The following NIN variants were observed in gnomAD, a reference collection of about 807,000 sequenced individuals.
NIN encodes ninein.
NIN carries 137 observed loss-of-function variants against 257.6 expected under a neutral mutation model. The ratio of observed to expected loss-of-function variants is 0.53; its 90% confidence interval spans 0.46 to 0.61. NIN has a LOEUF of 0.61. Among genes scored for constraint, NIN ranks in the 20% least tolerant of loss-of-function variants. The probability of loss-of-function intolerance (pLI) is 0.00; values close to 1 mark genes in which losing one functional copy is unlikely to be tolerated. For missense variants in NIN, 2,439 were observed against 2,501.2 expected (o/e 0.98, Z 0.53); for synonymous variants, 918 against 919.8 (o/e 1.00, Z 0.04).
chr14:50,825,916 T>A (rs1264931780), intron 2 of NIN, among the ~76,000 whole-genome samples: 1 of 152,240 alleles, frequency 6.6e-6, no homozygotes, highest in Admixed American at 6.5e-5. Flanking sequence ...ACCAGGGATA[T>A]ACAGATAGAA....
At chr14:50,743,578 G>C in intron 23 of NIN, 49 bp from the exon 24 acceptor site, 1 of 1,123,340 alleles carries the variant, frequency 8.9e-7, no homozygotes. Context: ...TGCAAACATA[G>C]CTAGCCTTAA....
intron 3 of NIN, among the ~76,000 whole-genome samples, chr14:50,814,785 T>G (rs2044803756): frequency 6.6e-6 from 1 of 152,276 alleles, no homozygotes; most frequent in South Asian, 2.1e-4. Context: ...AAACAAGCAG[T>G]GGGGAAAGGA....
At chr14:50,813,992 A>G (rs2044759756) in intron 3 of NIN, among the ~76,000 whole-genome samples, 1 of 152,228 alleles carries the variant, frequency 6.6e-6, no homozygotes, top group Non-Finnish European at 1.5e-5. Context: ...ACTAAAAAAG[A>G]GGCAGTTTCA....
At chr14:50,782,135 T>C (rs1457274710) in intron 5 of NIN, among the ~76,000 whole-genome samples, 1 of 152,242 alleles carries the variant, frequency 6.6e-6, no homozygotes, top group Non-Finnish European at 1.5e-5. Context: ...TAACTTCTAC[T>C]ACCATCAAGG....
chr14:50,770,739 C>T, intron 11 of NIN, 113 bp downstream of exon 11: 1 of 1,400,506 alleles, frequency 7.1e-7, no homozygotes, highest in Non-Finnish European at 9.6e-7. Context: ...AAGGTGTGGC[C>T]AACAGGCTGA....
In NIN at chr14:50,721,277, A is replaced by G. The variant is rs2040265309; in HGVS notation, c.*2186T>C. Reference sequence around the variant, plus strand: ...AATAGAGATTCTAAATGTAGTCTAAACTTTCCAGAAAGTCATATTTACATT... The same window carrying G: ...AATAGAGATTCTAAATGTAGTCTAAGCTTTCCAGAAAGTCATATTTACATT... On this transcript the variant is annotated 3_prime_UTR_variant, in exon 31 of 31. Coordinates refer to ENST00000530997, the MANE Select transcript of NIN (RefSeq NM_020921.4). The G allele has an allele frequency of 4.9e-6, 1 of 204,534 alleles. No individual in the cohort carries two copies. Among genetic ancestry groups the G allele is most frequent in the Non-Finnish European group, 1.0e-5 (1 of 99,898 alleles). The allele number at this position is 204,534 out of a possible 1,614,324, so 12.7% of individuals were successfully genotyped here.
chr14:50,738,377 T>C (rs755534011), intron 26 of NIN, 91 bp from the exon 27 acceptor site: 67 of 1,084,898 alleles, frequency 6.2e-5, no homozygotes, highest in Non-Finnish European at 8.1e-5. Flanking sequence ...AATTCAGTAC[T>C]TGGGTCCTGT....
chr14:50,743,186 T>C (rs1459848148), intron 24 of NIN, among the ~76,000 whole-genome samples: 1 of 151,904 alleles, frequency 6.6e-6, no homozygotes, highest in African/African-American at 2.4e-5. Context: ...GCCAGGCTGA[T>C]CTCGAACTCC....
rs930540480 is a variant in NIN, at chr14:50,763,178, G to T, written c.1774+648C>A. 2.6e-5 allele frequency among the ~76,000 whole-genome samples: 4 copies of T among 152,028 alleles called. No homozygotes were observed. In the East Asian group the frequency reaches 7.7e-4, roughly 29 times the overall value. On this transcript the variant is annotated intron_variant, in intron 15 of 30. Coordinates refer to ENST00000530997, the MANE Select transcript of NIN (RefSeq NM_020921.4). The stretch of plus-strand genomic sequence containing the variant: ...GAAAGTTATTTATAACAGAATAACT[G>T]ATTATGAGCTGTCTCTGAAATTTAA...
chr14:50,761,828 T>C lies in NIN; in HGVS notation c.1858A>G (p.Arg620Gly), dbSNP rs776446021. The C allele has an allele frequency of 6.2e-6, 10 of 1,614,112 alleles. No individual in the cohort carries two copies. The highest frequency in any genetic ancestry group is 1.7e-5 in the Admixed American group (1 of 60,032). Residue 620 changes from arginine to glycine, a missense_variant, in exon 16 of 31, where the codon AGG becomes GGG. Coordinates refer to ENST00000530997, the MANE Select transcript of NIN (RefSeq NM_020921.4). ...TCCAGTCTGAGGCAACATATGTCCC[T>C]GTGATGTTGTTCTTTCATCTGTTCA... is the stretch of plus-strand genomic sequence containing the variant. ...VIEQMKEQHH[R>G]DICCLRLELE...
chr14:50,780,935 T>G (rs1188320868), intron 5 of NIN, among the ~76,000 whole-genome samples: 1 of 152,180 alleles, frequency 6.6e-6, no homozygotes, highest in Non-Finnish European at 1.5e-5. Context: ...TGAGGCATGG[T>G]GGGGATGGGG....
chr14:50,726,720 G>A (rs1488436133), intron 29 of NIN, among the ~76,000 whole-genome samples: 1 of 152,208 alleles, frequency 6.6e-6, no homozygotes, highest in Non-Finnish European at 1.5e-5. Flanking sequence ...GATGGGTTAA[G>A]GAGTAAGTGA....
intron 12 of NIN, among the ~76,000 whole-genome samples, chr14:50,769,954 AAAAG>A (rs1283199263): frequency 1.3e-5 from 2 of 151,728 alleles, no homozygotes; most frequent in African/African-American, 4.8e-5. Flanking sequence ...AAAAAAAAAA[AAAAG>A]AAAAGGCACA....
intron 4 of NIN, among the ~76,000 whole-genome samples, chr14:50,804,732 C>T (rs564934715): frequency 2.6e-4 from 39 of 151,940 alleles, no homozygotes; most frequent in African/African-American, 8.9e-4. Flanking sequence ...CTTGGCTACA[C>T]TGGAAGAATT....
At chr14:50,739,762 G>C (rs1264893713) in intron 25 of NIN, among the ~76,000 whole-genome samples, 1 of 152,242 alleles carries the variant, frequency 6.6e-6, no homozygotes, top group Non-Finnish European at 1.5e-5. Context: ...TATGACTGTA[G>C]GGCAAGGCCC....
chr14:50,791,153 C>T (rs983815205), intron 5 of NIN, among the ~76,000 whole-genome samples: 2 of 152,088 alleles, frequency 1.3e-5, no homozygotes, highest in Non-Finnish European at 2.9e-5. Flanking sequence ...CATTCCACAC[C>T]ACTCAGGGTT....
intron 27 of NIN, among the ~76,000 whole-genome samples, chr14:50,736,111 C>A (rs778928960): frequency 1.3e-5 from 2 of 151,922 alleles, no homozygotes; most frequent in African/African-American, 4.8e-5. Context: ...ATTTATATAA[C>A]TTTTTAATTT....
Position 50,756,835 on chromosome 14 carries a change from G to C in NIN, c.4195C>G (p.Gln1399Glu), listed in dbSNP as rs2042047882. The change falls in exon 18 of 31, where the codon CAG (glutamine) becomes GAG (glutamate). Residue 1399 changes from glutamine to glutamate, a missense_variant. Transcript: ENST00000530997. ...TGTGCTTTTACTTTTTCCAAGAGCT[G>C]TGTGTTCCCCTCAAGGTACTGGTTT... ...QENQYLEGNT[Q>E]LLEKVKAHEI... 6.4e-7 allele frequency: 1 copy of C among 1,551,682 alleles called. No homozygotes were observed.
chr14:50,800,224 T>C (rs1186781245), intron 4 of NIN, among the ~76,000 whole-genome samples: 1 of 152,232 alleles, frequency 6.6e-6, no homozygotes, highest in South Asian at 2.1e-4. Context: ...AGTCATTGTT[T>C]ACATAGATAG....
Sources: gnomAD v4.1 joint callset for allele counts (sites outside exome capture counted in the v4.1 genomes callset) on GRCh38, gnomAD v4.1.1 for gene constraint, MANE v1.5 for transcripts, NCBI Gene and HGNC (gene_info 2026-07-23, HGNC 2026-07-21) for gene names.